Variants in PKN2 observed in about 807,000 individuals in gnomAD.
PKN2 encodes the protein serine/threonine-protein kinase N2.
PKN2 carries 38 observed loss-of-function variants against 119.1 expected under a neutral mutation model. The observed-to-expected ratio is 0.32, with a 90% CI of 0.25 to 0.42. PKN2 has a LOEUF of 0.42. Among genes scored for constraint, PKN2 ranks in the 10% least tolerant of loss-of-function variants. PKN2 has a pLI of 1.00. For synonymous variants in PKN2, 390 were observed against 384.9 expected, an observed-to-expected ratio of 1.01 and a Z score of -0.15; for missense variants, 850 against 1,165.1, an observed-to-expected ratio of 0.73 and a Z score of 3.94.
intron 16 of PKN2, 39 bp from the exon 17 acceptor site, chr1:88,821,902 A>C: frequency 3.4e-6 from 5 of 1,477,628 alleles, no homozygotes; most frequent in Non-Finnish European, 4.5e-6. Flanking sequence ...AAGAGCAATA[A>C]AATTTATTAA....
intron 6 of PKN2, among the ~76,000 whole-genome samples, chr1:88,776,211 CT>C (rs1250638808): frequency 6.0e-5 from 8 of 133,588 alleles, no homozygotes; most frequent in East Asian, 2.2e-4. Flanking sequence ...CCCCCTCCCC[CT>C]ACCCCCTCCC....
intron 15 of PKN2, among the ~76,000 whole-genome samples, 193 bp from the exon 16 acceptor site, chr1:88,813,364 A>C (rs1671856070): frequency 6.6e-6 from 1 of 152,170 alleles, no homozygotes; most frequent in Non-Finnish European, 1.5e-5. Flanking sequence ...TTCTATTAAT[A>C]TATTTCAACT....
At chr1:88,754,048 A>G (rs1324593193) in intron 2 of PKN2, among the ~76,000 whole-genome samples, 16 of 152,228 alleles carry the variant, frequency 1.1e-4, no homozygotes, top group African/African-American at 3.6e-4. Flanking sequence ...AAGTTTTACC[A>G]TGATGTGTCC....
chr1:88,736,939 G>A (rs1053816506), intron 1 of PKN2, among the ~76,000 whole-genome samples: 3 of 152,160 alleles, frequency 2.0e-5, no homozygotes, highest in African/African-American at 7.2e-5. Flanking sequence ...TTTCCACTGG[G>A]GCCAGGACAC....
chr1:88,801,165 A>G (rs1671292548), intron 8 of PKN2, among the ~76,000 whole-genome samples: 1 of 152,160 alleles, frequency 6.6e-6, no homozygotes, highest in African/African-American at 2.4e-5. Flanking sequence ...CGGGTGGATC[A>G]CCTGAGGTCA....
chr1:88,800,856 G>GT (rs1339585289), intron 8 of PKN2, among the ~76,000 whole-genome samples: 3 of 152,144 alleles, frequency 2.0e-5, no homozygotes, highest in African/African-American at 7.2e-5. Flanking sequence ...CTACCAAGCA[G>GT]TTTTCTCTTT....
At chr1:88,829,049 C>T (rs534260320) in intron 19 of PKN2, 110 of 651,028 alleles carry the variant, frequency 1.7e-4, no homozygotes, top group South Asian at 1.3e-3. Flanking sequence ...CTTGCTTCAC[C>T]GGGAAACTAC....
chr1:88,756,408 T>G (rs763506438), intron 2 of PKN2, among the ~76,000 whole-genome samples: 1 of 152,210 alleles, frequency 6.6e-6, no homozygotes, highest in Non-Finnish European at 1.5e-5. Context: ...ACTCATTGGT[T>G]CTAATTCTCT....
chr1:88,754,375 A>G (rs1324479871), intron 2 of PKN2, among the ~76,000 whole-genome samples: 1 of 152,126 alleles, frequency 6.6e-6, no homozygotes, highest in African/African-American at 2.4e-5. Context: ...AGCACTCAAG[A>G]TGCTTATAGT....
At chr1:88,828,711 T>G in intron 19 of PKN2, 88 bp downstream of exon 19, 2 of 1,056,200 alleles carry the variant, frequency 1.9e-6, no homozygotes, top group Non-Finnish European at 2.7e-6. Flanking sequence ...AATACTGTCT[T>G]CAGTATGAGT....
chr1:88,786,353 C>G (rs940085289), intron 8 of PKN2, 140 bp downstream of exon 8: 1 of 541,524 alleles, frequency 1.8e-6, no homozygotes, highest in African/African-American at 1.9e-5. Flanking sequence ...ATTTCTTATT[C>G]AATGAGTTAT....
chr1:88,714,709 C>T (rs886453756), intron 1 of PKN2, among the ~76,000 whole-genome samples: 4 of 152,160 alleles, frequency 2.6e-5, no homozygotes, highest in African/African-American at 9.7e-5. Context: ...ACAATCTTGT[C>T]ATCTGCAAAC....
At chr1:88,768,033 TG>T (rs773985378) in intron 3 of PKN2, among the ~76,000 whole-genome samples, 9,454 of 152,256 alleles carry the variant, frequency 0.062, no homozygotes, top group African/African-American at 0.16. Flanking sequence ...AAAATAGAGA[TG>T]CTTAAATAAT....
intron 6 of PKN2, among the ~76,000 whole-genome samples, chr1:88,775,691 T>A (rs1421182831): frequency 1.3e-5 from 2 of 152,232 alleles, no homozygotes; most frequent in East Asian, 1.9e-4. Flanking sequence ...GCCCTTGTTA[T>A]ATTGTCACAA....
intron 1 of PKN2, among the ~76,000 whole-genome samples, chr1:88,738,105 A>G (rs1285306890): frequency 6.6e-6 from 1 of 151,952 alleles, no homozygotes; most frequent in Non-Finnish European, 1.5e-5. Context: ...GTTCCTCAGC[A>G]GTGGCAGGTT....
chr1:88,802,563 T>A (rs921936181), intron 8 of PKN2, among the ~76,000 whole-genome samples: 2 of 152,172 alleles, frequency 1.3e-5, no homozygotes, highest in Non-Finnish European at 2.9e-5. Flanking sequence ...TGACCTCAAG[T>A]GATTCACCCA....
chr1:88,726,619 A>G (rs1667909047), intron 1 of PKN2, among the ~76,000 whole-genome samples: 1 of 152,160 alleles, frequency 6.6e-6, no homozygotes, highest in African/African-American at 2.4e-5. Flanking sequence ...CATGAGAGAA[A>G]TTAGTTTTTG....
At chr1:88,833,015 C>A in intron 20 of PKN2, 62 bp from the exon 21 acceptor site, 1 of 1,435,356 alleles carries the variant, frequency 7.0e-7, no homozygotes, top group Non-Finnish European at 9.5e-7. Flanking sequence ...AAGTAATAAT[C>A]CTTATCAGTG....
intron 1 of PKN2, among the ~76,000 whole-genome samples, chr1:88,704,778 C>CAAAAA (rs35670791): frequency 2.6e-5 from 2 of 75,942 alleles, no homozygotes; most frequent in Non-Finnish European, 5.2e-5. Context: ...GACCCTGTCT[C>CAAAAA]AAAAAAAAAA....
Sources: gnomAD v4.1 joint callset for allele counts (sites outside exome capture counted in the v4.1 genomes callset) on GRCh38, gnomAD v4.1.1 for gene constraint, MANE v1.5 for transcripts, NCBI Gene and HGNC (gene_info 2026-07-23, HGNC 2026-07-21) for gene names.